SLC35F4: variants seen among roughly 807,000 people sequenced by gnomAD.
SLC35F4 encodes the protein solute carrier family 35 member F4.
In SLC35F4, 24 loss-of-function variants were observed where a neutral mutation model predicts 44.2. The observed-to-expected ratio is 0.54, with a 90% CI of 0.39 to 0.76. The LOEUF is 0.76. SLC35F4 is among the 30% of genes least tolerant of loss of function. The pLI, the probability that SLC35F4 is intolerant of heterozygous loss-of-function variation, is 0.00. For synonymous variants in SLC35F4, 238 were observed against 223.6 expected, an observed-to-expected ratio of 1.06 and a Z score of -0.57; for missense variants, 562 against 586.1, an observed-to-expected ratio of 0.96 and a Z score of 0.42.
At chr14:57,655,959 A>C (rs2073950956) in intron 1 of SLC35F4, among the ~76,000 whole-genome samples, 1 of 152,066 alleles carries the variant, frequency 6.6e-6, no homozygotes, top group African/African-American at 2.4e-5. Flanking sequence ...AATCCATGAG[A>C]TGCATTCCTG....
chr14:57,645,118 CCACAT>C (rs893157417), intron 1 of SLC35F4, among the ~76,000 whole-genome samples: 2 of 152,044 alleles, frequency 1.3e-5, no homozygotes, highest in Non-Finnish European at 2.9e-5. Flanking sequence ...TTTTTTGGTT[CCACAT>C]GAACTTTAAA....
intron 3 of SLC35F4, among the ~76,000 whole-genome samples, chr14:57,586,587 G>T (rs942089661): frequency 1.3e-5 from 2 of 151,202 alleles, no homozygotes; most frequent in African/African-American, 4.9e-5. Flanking sequence ...GCGTGGTGGC[G>T]GGTGCCTGTA....
intron 1 of SLC35F4, among the ~76,000 whole-genome samples, chr14:57,919,034 C>T (rs1305390362): frequency 1.3e-5 from 2 of 152,158 alleles, no homozygotes; most frequent in African/African-American, 4.8e-5. Flanking sequence ...GGTGTGACCA[C>T]GTAACTGGCT....
At chr14:57,602,688 C>T (rs938259013) in intron 1 of SLC35F4, 1 of 152,122 alleles carries the variant, frequency 6.6e-6, no homozygotes, top group Non-Finnish European at 1.5e-5. Context: ...TGACACTTTC[C>T]CTGGGTCTCC....
intron 1 of SLC35F4, among the ~76,000 whole-genome samples, chr14:57,707,234 T>G (rs540061681): frequency 4.7e-4 from 72 of 152,298 alleles, no homozygotes; most frequent in Non-Finnish European, 9.4e-4. Flanking sequence ...AAGACAGAGC[T>G]GCAAGCATGA....
intron 1 of SLC35F4, among the ~76,000 whole-genome samples, chr14:57,739,451 C>T (rs2076549973): frequency 6.6e-6 from 1 of 152,180 alleles, no homozygotes; most frequent in Admixed American, 6.5e-5. Flanking sequence ...TTCTTAACTA[C>T]AGACTTCCTA....
At chr14:57,713,146 G>GC in intron 1 of SLC35F4, among the ~76,000 whole-genome samples, 1 of 152,128 alleles carries the variant, frequency 6.6e-6, no homozygotes, top group Admixed American at 6.5e-5. Context: ...CATCCTCACA[G>GC]CTACTACCTT....
At chr14:57,666,371 T>G (rs921537786) in intron 1 of SLC35F4, among the ~76,000 whole-genome samples, 8 of 134,598 alleles carry the variant, frequency 5.9e-5, no homozygotes, top group African/African-American at 2.0e-4. Flanking sequence ...TCAATGACCT[T>G]TAGGTTTCCA....
intron 4 of SLC35F4, among the ~76,000 whole-genome samples, chr14:57,575,311 C>T (rs1212516909): frequency 6.6e-6 from 1 of 152,122 alleles, no homozygotes; most frequent in Non-Finnish European, 1.5e-5. Context: ...AGACCCCCAT[C>T]TCTACTAAAA....
chr14:57,666,951 G>A (rs1046322157), intron 1 of SLC35F4, among the ~76,000 whole-genome samples: 1 of 151,284 alleles, frequency 6.6e-6, no homozygotes, highest in Non-Finnish European at 1.5e-5. Context: ...GTTCTAGAAA[G>A]GCCAAATGCA....
At chr14:57,760,492 G>T (rs1367398165) in intron 1 of SLC35F4, among the ~76,000 whole-genome samples, 2 of 152,116 alleles carry the variant, frequency 1.3e-5, no homozygotes, top group Admixed American at 6.5e-5. Context: ...TGGCTATCCA[G>T]TATCTTTTGT....
intron 1 of SLC35F4, among the ~76,000 whole-genome samples, chr14:57,845,595 G>C (rs1426920938): frequency 6.6e-6 from 1 of 152,114 alleles, no homozygotes; most frequent in Non-Finnish European, 1.5e-5. Flanking sequence ...ATTTTCTATT[G>C]AAAGCCACAG....
chr14:57,805,430 C>T (rs1243572893), intron 1 of SLC35F4, among the ~76,000 whole-genome samples: 1 of 152,144 alleles, frequency 6.6e-6, no homozygotes, highest in Non-Finnish European at 1.5e-5. Context: ...CCATGGGATA[C>T]TATGCAGCCA....
chr14:57,681,267 GGGGAAA>G (rs2074895247), intron 1 of SLC35F4, among the ~76,000 whole-genome samples: 1 of 151,886 alleles, frequency 6.6e-6, no homozygotes, highest in African/African-American at 2.4e-5. Flanking sequence ...AACAAGCAAT[GGGGAAA>G]GGATTCCCTA....
At position 57,601,069 on chromosome 14, in the gene SLC35F4, G is replaced by A. The variant is rs551682356; in HGVS notation, c.104-6945C>T. 2.0e-5 allele frequency among the ~76,000 whole-genome samples: 3 copies of A among 152,070 alleles called. No individual in the cohort carries two copies. The South Asian group carries it at 6.2e-4, about 32-fold the overall frequency. On this transcript the variant is annotated intron_variant, in intron 1 of 7. Transcript: ENST00000556826. ...TACCAGGTATTACTCACTCCTTATA[G>A]TTCTAACAGCTCTTAATTCATTTAA...
intron 1 of SLC35F4, among the ~76,000 whole-genome samples, chr14:57,654,499 A>G (rs534925242): frequency 5.1e-4 from 77 of 152,288 alleles, no homozygotes; most frequent in African/African-American, 1.7e-3. Context: ...TGGTTGATGG[A>G]CATTTAGGCT....
chr14:57,805,383 A>G (rs906691599), intron 1 of SLC35F4, among the ~76,000 whole-genome samples: 5 of 152,262 alleles, frequency 3.3e-5, no homozygotes, highest in Admixed American at 2.0e-4. Context: ...ATGCCCATCA[A>G]TGATAGACTG....
At chr14:57,864,353 C>T (rs1012999820) in intron 1 of SLC35F4, among the ~76,000 whole-genome samples, 1 of 152,190 alleles carries the variant, frequency 6.6e-6, no homozygotes, top group African/African-American at 2.4e-5. Context: ...CCAGAAAATT[C>T]TAACACTATA....
intron 1 of SLC35F4, among the ~76,000 whole-genome samples, chr14:57,749,195 T>G (rs1372604892): frequency 6.6e-6 from 1 of 152,222 alleles, no homozygotes; most frequent in East Asian, 1.9e-4. Context: ...GTCCTTTTTT[T>G]TGTGATTGAA....
Sources: gnomAD v4.1 joint callset for allele counts (sites outside exome capture counted in the v4.1 genomes callset) on GRCh38, gnomAD v4.1.1 for gene constraint, MANE v1.5 for transcripts, NCBI Gene and HGNC (gene_info 2026-07-23, HGNC 2026-07-21) for gene names.